Variants in FAM200B observed in about 807,000 individuals in gnomAD.
The protein encoded by FAM200B is zinc finger BED-type containing 11.
A neutral mutation model predicts 33.1 loss-of-function variants in FAM200B; 32 were observed. The observed-to-expected ratio is 0.97, with a 90% CI of 0.73 to 1.30. The LOEUF is 1.30. Ranked by LOEUF, FAM200B falls within the 50% of genes most tolerant of loss-of-function variation. The pLI is 0.00. For synonymous variants in FAM200B, 240 were observed against 264.8 expected, an observed-to-expected ratio of 0.91 and a Z score of 0.91; for missense variants, 741 against 754.0, an observed-to-expected ratio of 0.98 and a Z score of 0.20.
chr4:15,655,362 G>T, the FAM200B span: 3 of 1,174,970 alleles, frequency 2.6e-6, no homozygotes, highest in Non-Finnish European at 3.2e-6. Flanking sequence ...CGGGGCAGAG[G>T]CGGCGCGCCC....
At chr4:15,657,623 G>T in the FAM200B span, among the ~76,000 whole-genome samples, 1 of 152,216 alleles carries the variant, frequency 6.6e-6, no homozygotes, top group Non-Finnish European at 1.5e-5. Context: ...TGTTTTAGAT[G>T]ACAAAATGAA....
chr4:15,666,469 A>G, the FAM200B span, among the ~76,000 whole-genome samples: 2 of 152,194 alleles, frequency 1.3e-5, no homozygotes, highest in East Asian at 1.9e-4. Flanking sequence ...TTAAACTCAT[A>G]TAAGTAAAGA....
Position 15,686,866 on chromosome 4 carries a change from C to G in FAM200B, c.-112C>G, listed in dbSNP as rs1220125719. On this transcript the variant is annotated 5_prime_UTR_variant, in exon 2 of 2. Transcript: ENST00000422728. ...CTGAAATATTCGATTCAATTGCAAA[C>G]TTTGAGTGTAGTTTTTGAAAAGATG... The G allele has an allele frequency of 2.3e-5, 12 of 526,828 alleles. No individual in the cohort carries two copies. The highest frequency in any genetic ancestry group is 3.9e-5 in the Admixed American group (1 of 25,436). 32.6% of individuals were successfully genotyped at this position (526,828 alleles called of 1,614,324 possible). A position where few individuals can be genotyped will look rare whatever the true frequency, so the allele number is the denominator to read the frequency against.
chr4:15,643,251 GTCTTT>G, the FAM200B span, among the ~76,000 whole-genome samples: 2 of 151,986 alleles, frequency 1.3e-5, no homozygotes, highest in African/African-American at 4.8e-5. Flanking sequence ...TCCTCCTTTA[GTCTTT>G]TCTTTATCTT....
At chr4:15,638,818 T>C in the FAM200B span, 1 of 598,814 alleles carries the variant, frequency 1.7e-6, no homozygotes. Flanking sequence ...AGATAAAAAT[T>C]TTAGCTGTCA....
the FAM200B span, among the ~76,000 whole-genome samples, chr4:15,649,453 G>C: frequency 6.6e-6 from 1 of 151,574 alleles, no homozygotes; most frequent in Admixed American, 6.6e-5. Context: ...GTTAGCACAC[G>C]CCTGTAGACC....
the FAM200B span, chr4:15,656,159 G>T: frequency 2.2e-6 from 1 of 455,990 alleles, no homozygotes; most frequent in South Asian, 1.5e-5. Flanking sequence ...GAAGGTTGGT[G>T]CGGGAAAGAA....
chr4:15,649,585 AAAAAAAAAAAAAG>A, the FAM200B span, among the ~76,000 whole-genome samples: 1 of 151,376 alleles, frequency 6.6e-6, no homozygotes, highest in Non-Finnish European at 1.5e-5. Context: ...TCTCAAAAAA[AAAAAAAAAAAAAG>A]AAAGAAAGAA....
At chr4:15,652,053 C>T in the FAM200B span, among the ~76,000 whole-genome samples, 5 of 152,164 alleles carry the variant, frequency 3.3e-5, no homozygotes, top group Admixed American at 6.6e-5. Context: ...ACATTGCCAA[C>T]GTCTTTCTGT....
At chr4:15,641,790 G>T in the FAM200B span, among the ~76,000 whole-genome samples, 4 of 152,078 alleles carry the variant, frequency 2.6e-5, no homozygotes, top group African/African-American at 7.2e-5. Flanking sequence ...ACTTTGGGAC[G>T]CAGAGGCAGG....
the FAM200B span, among the ~76,000 whole-genome samples, chr4:15,661,076 C>CAA: frequency 1.5e-5 from 2 of 131,756 alleles, no homozygotes; most frequent in Non-Finnish European, 1.7e-5. Flanking sequence ...GGCTCCATTT[C>CAA]AAAAAAAAAA....
rs150509801 is a variant in FAM200B at position 15,688,034 on chromosome 4, G to C, written c.1057G>C (p.Val353Leu). 132 of 1,551,110 alleles carry C rather than the reference G, an allele frequency of 8.5e-5. No individual in the cohort carries two copies. The highest frequency in any genetic ancestry group is 1.0e-4 in the Non-Finnish European group (119 of 1,146,678). The change falls in exon 2 of 2, where the codon GTT becomes CTT. Residue 353 changes from valine (V) to leucine (L), a missense_variant. Physicochemically the swap from Val to Leu is conservative, Grantham distance 32 (BLOSUM62 1). Coordinates refer to ENST00000422728, the MANE Select transcript of FAM200B (RefSeq NM_001145191.2). ...GGTATTGAAAAATGCAGTGAAAGTT[G>C]TTAATTTTATTAAAGGAAGCTCATT... ...MEVLKNAVKV[V>L]NFIKGSSLNS...
Position 15,687,312 on chromosome 4 carries a change from C to T in FAM200B, c.335C>T (p.Ala112Val). Residue 112 changes from alanine (A) to valine (V), a missense_variant, in exon 2 of 2, where the codon GCT (alanine) becomes GTT (valine). Coordinates refer to ENST00000422728, the MANE Select transcript of FAM200B (RefSeq NM_001145191.2). Reference protein sequence around the residue: ...KLKRHLETQHAELIDKPLEYF... With the variant: ...KLKRHLETQHVELIDKPLEYF... ...AAAAGGCACTTAGAAACTCAGCATG[C>T]TGAACTTATTGATAAGCCTCTTGAA... 5 of 1,545,718 alleles carry T rather than the reference C, an allele frequency of 3.2e-6. No homozygotes were observed. The highest frequency in any genetic ancestry group is 4.4e-6 in the Non-Finnish European group (5 of 1,143,474).
the FAM200B span, among the ~76,000 whole-genome samples, chr4:15,666,676 A>T: frequency 6.6e-6 from 1 of 151,338 alleles, no homozygotes; most frequent in African/African-American, 2.4e-5. Flanking sequence ...ACTAAACATC[A>T]AAAAAATTAG....
intron 1 of FAM200B, among the ~76,000 whole-genome samples, chr4:15,685,136 C>T (rs1394098317): frequency 6.6e-6 from 1 of 152,088 alleles, no homozygotes; most frequent in African/African-American, 2.4e-5. Flanking sequence ...AGACCAATAA[C>T]ACAAAATAAT....
At chr4:15,640,989 A>G in the FAM200B span, 2 of 547,800 alleles carry the variant, frequency 3.7e-6, no homozygotes, top group East Asian at 6.6e-5. Context: ...GGAAAAAAAA[A>G]TAGACAAATT....
chr4:15,653,840 G>A, the FAM200B span, among the ~76,000 whole-genome samples: 1 of 152,192 alleles, frequency 6.6e-6, no homozygotes, highest in Non-Finnish European at 1.5e-5. Flanking sequence ...CTCAAATGGA[G>A]AGCTTTAATC....
chr4:15,687,939 C>T lies in FAM200B; in HGVS notation c.962C>T (p.Ala321Val). 1 of 1,550,930 alleles carries T rather than the reference C, an allele frequency of 6.4e-7. No individual in the cohort carries two copies. The highest frequency in any genetic ancestry group is 1.4e-5 in the African/African-American group (1 of 73,102). Reference sequence around the variant, plus strand: ...TTACTAGAAGTTACTAATAATGGTGCTGTGTGGAATCATTGTTTTATACAT... The same window carrying T: ...TTACTAGAAGTTACTAATAATGGTGTTGTGTGGAATCATTGTTTTATACAT... ...KKLLEVTNNG[A>V]VWNHCFIHRE... The change falls in exon 2 of 2, where the codon GCT (alanine) becomes GTT (valine). Residue 321 changes from alanine to valine, a missense_variant. Transcript: ENST00000422728.
At chr4:15,637,146 T>G in the FAM200B span, among the ~76,000 whole-genome samples, 2 of 152,240 alleles carry the variant, frequency 1.3e-5, no homozygotes, top group African/African-American at 4.8e-5. Flanking sequence ...CTTGCTTGTA[T>G]TCCCTCTTTG....
Sources: gnomAD v4.1 joint callset for allele counts (sites outside exome capture counted in the v4.1 genomes callset) on GRCh38, gnomAD v4.1.1 for gene constraint, MANE v1.5 for transcripts, NCBI Gene and HGNC (gene_info 2026-07-23, HGNC 2026-07-21) for gene names.